ANKRD30B: variants seen among roughly 807,000 people sequenced by gnomAD.
The protein encoded by ANKRD30B is ankyrin repeat domain-containing protein 30B.
Under a neutral mutation model 202.2 loss-of-function variants are expected in ANKRD30B, and 144 were observed. The observed-to-expected ratio is 0.71, with a 90% CI of 0.62 to 0.82. The LOEUF is 0.82. Ranked by LOEUF, ANKRD30B falls within the 40% of genes least tolerant of loss-of-function variation. ANKRD30B has a pLI of 0.00. For synonymous variants in ANKRD30B, 508 were observed against 561.3 expected (o/e 0.91, Z 1.34); for missense variants, 1,487 against 1,669.1 (o/e 0.89, Z 1.90).
chr18:14,773,793 C>G (rs528007665), intron 9 of ANKRD30B, among the ~76,000 whole-genome samples: 59 of 151,894 alleles, frequency 3.9e-4, no homozygotes, highest in African/African-American at 1.3e-3. Context: ...GTAGCTGGGA[C>G]TACAGGCGCA....
chr18:14,809,898 A>G (rs2053771590), intron 26 of ANKRD30B, 88 bp from the exon 27 acceptor site: 2 of 1,202,994 alleles, frequency 1.7e-6, no homozygotes, highest in Non-Finnish European at 2.4e-6. Context: ...AAGCATGAGG[A>G]TTCATCTTCA....
the ANKRD30B span, among the ~76,000 whole-genome samples, chr18:14,867,223 G>A: frequency 7.4e-4 from 112 of 150,774 alleles, 2 homozygotes; most frequent in East Asian, 0.018. Context: ...TGTCCACCAC[G>A]GGTGGTTTGG....
At chr18:14,760,085 TA>T (rs1329757044) in intron 5 of ANKRD30B, among the ~76,000 whole-genome samples, 1 of 152,200 alleles carries the variant, frequency 6.6e-6, no homozygotes, top group African/African-American at 2.4e-5. Context: ...GTTTCAGCAA[TA>T]AGATTCAAGA....
the ANKRD30B span, among the ~76,000 whole-genome samples, chr18:14,881,546 T>C: frequency 6.6e-6 from 1 of 152,182 alleles, no homozygotes; most frequent in East Asian, 1.9e-4. Flanking sequence ...TAGTTTTCTT[T>C]TTTGGTTATG....
chr18:14,901,453 A>G, the ANKRD30B span, among the ~76,000 whole-genome samples: 1,582 of 152,302 alleles, frequency 0.01, 26 homozygotes, highest in African/African-American at 0.036. Context: ...AATTAATTAC[A>G]TGAGACTGAA....
chr18:14,930,235 C>A, the ANKRD30B span, among the ~76,000 whole-genome samples: 2 of 151,964 alleles, frequency 1.3e-5, no homozygotes, highest in Non-Finnish European at 2.9e-5. Context: ...GAGGCTGGGC[C>A]GACAGAGAAG....
chr18:14,845,577 G>A (rs1161165370), intron 39 of ANKRD30B, among the ~76,000 whole-genome samples: 2 of 151,822 alleles, frequency 1.3e-5, no homozygotes, highest in Admixed American at 6.6e-5. Context: ...TGGCTAGATA[G>A]ACTTTTGCTT....
chr18:14,837,745 G>C (rs1971240365), intron 36 of ANKRD30B, 69 bp downstream of exon 36: 3 of 1,308,624 alleles, frequency 2.3e-6, no homozygotes, highest in Non-Finnish European at 2.1e-6. Flanking sequence ...ATAAAAAGAT[G>C]ATTTGACTTT....
the ANKRD30B span, among the ~76,000 whole-genome samples, chr18:14,897,422 T>C: frequency 6.6e-6 from 1 of 152,126 alleles, no homozygotes; most frequent in Admixed American, 6.5e-5. Context: ...CTCAGGTCAT[T>C]CACCTGCCTC....
At chr18:14,793,945 T>C (rs1013428401) in intron 16 of ANKRD30B, among the ~76,000 whole-genome samples, 9 of 152,092 alleles carry the variant, frequency 5.9e-5, no homozygotes, top group African/African-American at 2.2e-4. Context: ...CACATTTAAT[T>C]AGACTCTCTT....
chr18:14,897,357 T>C, the ANKRD30B span, among the ~76,000 whole-genome samples: 2 of 152,110 alleles, frequency 1.3e-5, no homozygotes, highest in African/African-American at 4.8e-5. Context: ...ATTTTTGTAA[T>C]TTTAGTAGAG....
intron 10 of ANKRD30B, among the ~76,000 whole-genome samples, chr18:14,778,935 G>A (rs1481460393): frequency 6.6e-6 from 1 of 152,028 alleles, no homozygotes; most frequent in South Asian, 2.1e-4. Context: ...GGAAAAAAGA[G>A]GTAAAGAAAT....
At chr18:14,891,071 A>C in the ANKRD30B span, among the ~76,000 whole-genome samples, 1 of 152,214 alleles carries the variant, frequency 6.6e-6, no homozygotes, top group African/African-American at 2.4e-5. Flanking sequence ...TTTGCTATTA[A>C]TTACATTTTC....
chr18:14,938,494 T>A, the ANKRD30B span, among the ~76,000 whole-genome samples: 3 of 152,164 alleles, frequency 2.0e-5, no homozygotes, highest in African/African-American at 7.2e-5. Flanking sequence ...GCCATGGCCC[T>A]CAGTCCTCTA....
At chr18:14,867,678 G>T in the ANKRD30B span, among the ~76,000 whole-genome samples, 27 of 152,236 alleles carry the variant, frequency 1.8e-4, no homozygotes, top group East Asian at 1.7e-3. Flanking sequence ...GGGTGGGGAG[G>T]ACTGGCTGGG....
rs762161795 is a variant in ANKRD30B at position 14,763,712 on chromosome 18, G to A, written c.847G>A (p.Glu283Lys). The A allele has an allele frequency of 2.5e-5, 40 of 1,613,938 alleles. No homozygotes were observed. The highest frequency in any genetic ancestry group is 5.0e-5 in the Admixed American group (3 of 59,994). Residue 283 changes from glutamate to lysine, a missense_variant, in exon 7 of 44, where the codon GAG becomes AAG. By Grantham distance (56) the Glu-to-Lys change is moderately conservative. Around this residue, in one of 6 missense-constraint regions of ANKRD30B, gnomAD observed 889 missense variants for 841.4 expected, o/e 1.06. Transcript: ENST00000690538. ...AGGAACATCTACAGGAACACCTGAT[G>A]AGGCTGCACCCTTGGCGGAAAGAAC... ...PEGTSTGTPD[E>K]AAPLAERTPD...
At chr18:14,912,721 T>A in the ANKRD30B span, among the ~76,000 whole-genome samples, 1 of 152,252 alleles carries the variant, frequency 6.6e-6, no homozygotes, top group Non-Finnish European at 1.5e-5. Context: ...TTGGTATAAT[T>A]AAGCTGTGAG....
intron 36 of ANKRD30B, among the ~76,000 whole-genome samples, chr18:14,838,128 A>G (rs1166865086): frequency 6.6e-6 from 1 of 152,284 alleles, no homozygotes; most frequent in African/African-American, 2.4e-5. Context: ...AATTTGCAGG[A>G]TTAATTTTGA....
At chr18:14,907,370 A>T in the ANKRD30B span, among the ~76,000 whole-genome samples, 1 of 152,122 alleles carries the variant, frequency 6.6e-6, no homozygotes, top group Non-Finnish European at 1.5e-5. Context: ...AATAGGTCTA[A>T]TTTCTTTCAT....
Sources: allele counts gnomAD v4.1 joint callset (sites outside exome capture counted in the v4.1 genomes callset), GRCh38; gene constraint gnomAD v4.1.1; regional missense constraint gnomAD v4.1.1; transcripts MANE v1.5; gene names NCBI Gene and HGNC (gene_info 2026-07-23, HGNC 2026-07-21).